Variants in USP24 observed in about 807,000 individuals in gnomAD.
USP24 encodes ubiquitin specific peptidase 24.
USP24 carries 97 observed loss-of-function variants against 361.6 expected under a neutral mutation model. The observed-to-expected ratio is 0.27, with a 90% CI of 0.23 to 0.32. The LOEUF (loss-of-function observed/expected upper bound fraction) is 0.32, where lower values mean the gene tolerates loss of function less well. Ranked by LOEUF, USP24 falls within the 10% of genes least tolerant of loss-of-function variation. The pLI, the probability that USP24 is intolerant of heterozygous loss-of-function variation, is 1.00. For synonymous variants in USP24, 1,098 were observed against 1,124.6 expected (o/e 0.98, Z 0.47); for missense variants, 2,353 against 3,165.6 (o/e 0.74, Z 6.16).
rs1645617976 is a variant in USP24 at position 55,100,942 on chromosome 1, T to C, written c.5168A>G (p.Asp1723Gly). The C allele has an allele frequency of 1.9e-6, 3 of 1,612,028 alleles. No homozygotes were observed. The South Asian group carries it at 3.3e-5, about 18-fold the overall frequency. Residue 1723 changes from aspartate (D) to glycine (G), a missense_variant, in exon 44 of 68, where the codon GAC (aspartate) becomes GGC (glycine). Around this residue, in one of 8 missense-constraint regions of USP24, gnomAD observed 949 missense variants for 1,280.5 expected, o/e 0.74. Coordinates refer to ENST00000294383, the MANE Select transcript of USP24 (RefSeq NM_015306.3). The part of the protein sequence containing the change: ...LPESLLSVDD[D>G]TDNPDDSVFY... ...CACGCTATCATCTGGATTGTCTGTG[T>C]CATCATCCACTGAAAGTAATGACTG...
chr1:55,198,804 T>C (rs992329856), intron 1 of USP24, among the ~76,000 whole-genome samples: 3 of 152,218 alleles, frequency 2.0e-5, no homozygotes, highest in African/African-American at 7.2e-5. Context: ...GTCTTACTAA[T>C]GGGGAACAAA....
intron 16 of USP24, among the ~76,000 whole-genome samples, chr1:55,149,027 C>T (rs937199279): frequency 2.0e-5 from 3 of 152,158 alleles, no homozygotes; most frequent in Non-Finnish European, 4.4e-5. Flanking sequence ...GATCAAGACA[C>T]TGGTAGTGGT....
chr1:55,122,049 T>A (rs2100600914), intron 36 of USP24, among the ~76,000 whole-genome samples: 1 of 152,324 alleles, frequency 6.6e-6, no homozygotes, highest in African/African-American at 2.4e-5. Flanking sequence ...TGGAGATTCA[T>A]CAGGGAACAA....
intron 55 of USP24, among the ~76,000 whole-genome samples, chr1:55,089,145 G>A (rs966699867): frequency 2.0e-5 from 3 of 152,088 alleles, no homozygotes; most frequent in Non-Finnish European, 2.9e-5. Flanking sequence ...TGACCTCATG[G>A]TCTGCCCGCC....
intron 1 of USP24, among the ~76,000 whole-genome samples, chr1:55,180,608 C>T (rs188279074): frequency 5.3e-5 from 8 of 152,316 alleles, no homozygotes; most frequent in South Asian, 4.1e-4. Context: ...GGTTGCTTTA[C>T]GCCACTATTC....
chr1:55,072,510 C>T, intron 65 of USP24, 107 bp from the exon 66 acceptor site: 1 of 913,708 alleles, frequency 1.1e-6, no homozygotes, highest in Non-Finnish European at 1.6e-6. Context: ...AAGTAGGGTA[C>T]AAGTCTACCC....
intron 1 of USP24, among the ~76,000 whole-genome samples, chr1:55,194,019 A>G (rs1471060276): frequency 2.0e-5 from 3 of 152,204 alleles, no homozygotes; most frequent in Non-Finnish European, 4.4e-5. Flanking sequence ...GCCTCAAAAA[A>G]CACCAATGCA....
At chr1:55,093,874 T>TA in intron 52 of USP24, 63 bp downstream of exon 52, 1 of 1,597,272 alleles carries the variant, frequency 6.3e-7, no homozygotes, top group South Asian at 1.1e-5. Context: ...CTTCTGGACC[T>TA]ACTAGATACA....
intron 36 of USP24, among the ~76,000 whole-genome samples, 198 bp from the exon 37 acceptor site, chr1:55,121,704 G>A (rs1646286774): frequency 6.6e-6 from 1 of 152,266 alleles, no homozygotes; most frequent in East Asian, 1.9e-4. Flanking sequence ...AAGAAACCAT[G>A]TCTTATTTTT....
chr1:55,070,397 C>T (rs977461284), intron 67 of USP24, among the ~76,000 whole-genome samples: 1 of 152,162 alleles, frequency 6.6e-6, no homozygotes, highest in Non-Finnish European at 1.5e-5. Flanking sequence ...AGAGAAGGAA[C>T]AGCCAGAAGG....
rs202052007 is a variant in USP24, at chr1:55,106,131, G to A, written c.4880+15C>T. 79 of 1,588,610 alleles carry A rather than the reference G, an allele frequency of 5.0e-5. No homozygotes were observed. Among genetic ancestry groups the A allele is most frequent in the Non-Finnish European group, 9.5e-6 (11 of 1,157,216 alleles). ...AATTTTTACCAAAACTGAACACAAC[G>A]TGCATTTTCCATACTTTGGATGAAA... On this transcript the variant is annotated intron_variant, in intron 41 of 67. Transcript: ENST00000294383.
At chr1:55,125,878 T>C (rs1557599933) in intron 32 of USP24, 120 bp from the exon 33 acceptor site, 11 of 803,440 alleles carry the variant, frequency 1.4e-5, no homozygotes, top group Admixed American at 2.8e-5. Context: ...GATTCTGTCA[T>C]AAAAAGAGCC....
chr1:55,115,353 G>T (rs913575644), intron 38 of USP24, among the ~76,000 whole-genome samples: 1 of 151,490 alleles, frequency 6.6e-6, no homozygotes, highest in African/African-American at 2.4e-5. Context: ...AAAATTAGCC[G>T]GGCGTAGTGG....
intron 38 of USP24, among the ~76,000 whole-genome samples, 185 bp downstream of exon 38, chr1:55,120,411 A>G (rs1646246546): frequency 6.6e-6 from 1 of 152,190 alleles, no homozygotes; most frequent in African/African-American, 2.4e-5. Flanking sequence ...GACATGGAGA[A>G]GAAGGCCTGG....
chr1:55,179,639 G>A (rs1460459189), intron 1 of USP24, among the ~76,000 whole-genome samples: 1 of 151,926 alleles, frequency 6.6e-6, no homozygotes, highest in African/African-American at 2.4e-5. Context: ...AGAAGCCAGG[G>A]GATCATTCTT....
At chr1:55,174,912 G>A (rs536552023) in intron 3 of USP24, among the ~76,000 whole-genome samples, 3 of 152,288 alleles carry the variant, frequency 2.0e-5, no homozygotes, top group East Asian at 3.9e-4. Context: ...ATTATAGTGC[G>A]AAGCACTGGG....
intron 38 of USP24, among the ~76,000 whole-genome samples, chr1:55,115,791 G>A (rs542978076): frequency 2.6e-5 from 4 of 152,304 alleles, no homozygotes; most frequent in African/African-American, 9.6e-5. Flanking sequence ...TGATAGACTG[G>A]ATAAAGAAAA....
rs34812591 is a variant in USP24, at chr1:55,177,665, TA to T, written c.490+301del. 4.0e-4 allele frequency among the ~76,000 whole-genome samples: 60 copies of T among 151,228 alleles called. 1 individual carries two copies. The highest frequency in any genetic ancestry group is 1.4e-3 in the African/African-American group (56 of 41,336). On this transcript the variant is annotated intron_variant, in intron 2 of 67. Coordinates refer to ENST00000294383, the MANE Select transcript of USP24 (RefSeq NM_015306.3). Reference sequence around the variant, plus strand: ...TTAAATAAATATAACTTTCTTCTCTTAAAAAAAAAGCTGTTGAATTGATGAG... The same window carrying T: ...TTAAATAAATATAACTTTCTTCTCTTAAAAAAAAGCTGTTGAATTGATGAG...
In USP24 at chr1:55,100,952, C is replaced by A; in HGVS notation, c.5158G>T (p.Val1720Leu). The change falls in exon 44 of 68, where the codon GTG (valine) becomes TTG (leucine). Residue 1720 changes from valine to leucine, a missense_variant. Transcript: ENST00000294383. ...TCTGGATTGTCTGTGTCATCATCCA[C>A]TGAAAGTAATGACTGCACAGAAAAG... ...QPGLPESLLS[V>L]DDDTDNPDDS... The A allele has an allele frequency of 6.2e-7, 1 of 1,611,184 alleles. No homozygotes were observed. The highest frequency in any genetic ancestry group is 8.5e-7 in the Non-Finnish European group (1 of 1,179,176).
Sources: gnomAD v4.1 joint callset for allele counts (sites outside exome capture counted in the v4.1 genomes callset) on GRCh38, gnomAD v4.1.1 for gene constraint, gnomAD v4.1.1 regional missense constraint, MANE v1.5 for transcripts, NCBI Gene and HGNC (gene_info 2026-07-23, HGNC 2026-07-21) for gene names.